Variants in NRXN1 observed in about 807,000 individuals in gnomAD.
The protein encoded by NRXN1 is neurexin-1.
A neutral mutation model predicts 150.9 loss-of-function variants in NRXN1; 39 were observed. The observed-to-expected ratio is 0.26, with a 90% CI of 0.20 to 0.34. The LOEUF is 0.34. Ranked by LOEUF, NRXN1 falls within the 10% of genes least tolerant of loss-of-function variation. The pLI, the probability that NRXN1 is intolerant of heterozygous loss-of-function variation, is 1.00. For synonymous variants in NRXN1, 924 were observed against 757.0 expected, an observed-to-expected ratio of 1.22 and a Z score of -3.62; for missense variants, 1,815 against 1,949.9, an observed-to-expected ratio of 0.93 and a Z score of 1.30.
At position 51,026,359 on chromosome 2, in the gene NRXN1, C is replaced by CAACT. The variant is rs1670467811; in HGVS notation, c.772+1142_772+1143insAGTT. On this transcript the variant is annotated intron_variant, in intron 2 of 22. Transcript: ENST00000401669. ...TAGCCACTGATTCGTCTTTTTCACA[C>CAACT]CACTCACTCACTTTCTGTTAGAGGC... The CAACT allele has an allele frequency of 6.5e-7, 1 of 1,547,124 alleles. No individual in the cohort carries two copies. The highest frequency in any genetic ancestry group is 1.4e-5 in the African/African-American group (1 of 73,734).
At chr2:50,229,738 C>A (rs1471589851) in intron 18 of NRXN1, among the ~76,000 whole-genome samples, 1 of 152,090 alleles carries the variant, frequency 6.6e-6, no homozygotes, top group Non-Finnish European at 1.5e-5. Context: ...AGGAACTAAT[C>A]ACACACATTA....
At chr2:50,183,271 T>A (rs1022005398) in intron 18 of NRXN1, among the ~76,000 whole-genome samples, 4 of 152,210 alleles carry the variant, frequency 2.6e-5, no homozygotes, top group Non-Finnish European at 2.9e-5. Flanking sequence ...AATTGGCATC[T>A]GAGGTTTGAA....
chr2:50,137,076 A>C (rs577510886), intron 18 of NRXN1, among the ~76,000 whole-genome samples: 1 of 152,332 alleles, frequency 6.6e-6, no homozygotes, highest in African/African-American at 2.4e-5. Context: ...TGAAAGGTAA[A>C]AGACAAACCA....
At chr2:50,471,680 A>T (rs34453913) in intron 16 of NRXN1, among the ~76,000 whole-genome samples, 83,251 of 151,538 alleles carry the variant, frequency 0.55, 23,230 homozygotes, top group African/African-American at 0.6. Context: ...AGCTAAATGA[A>T]GAGAACACAT....
chr2:50,616,117 T>C (rs1005299971), intron 8 of NRXN1: 14 of 152,166 alleles, frequency 9.2e-5, no homozygotes, highest in African/African-American at 3.4e-4. Flanking sequence ...CTGTGAGTCA[T>C]TTTTCAATGA....
intron 22 of NRXN1, among the ~76,000 whole-genome samples, chr2:49,938,204 G>C (rs1671378356): frequency 6.6e-6 from 1 of 152,102 alleles, no homozygotes; most frequent in African/African-American, 2.4e-5. Flanking sequence ...CTAAACTAGA[G>C]AATACACCAG....
intron 8 of NRXN1, among the ~76,000 whole-genome samples, chr2:50,556,504 ATT>A (rs558387581): frequency 7.5e-5 from 10 of 134,184 alleles, no homozygotes; most frequent in Admixed American, 1.5e-4. Flanking sequence ...GGGGACATTG[ATT>A]TTTTTTTTTT....
chr2:50,568,946 A>T (rs1297511338), intron 8 of NRXN1, among the ~76,000 whole-genome samples: 1 of 152,122 alleles, frequency 6.6e-6, no homozygotes, highest in African/African-American at 2.4e-5. Flanking sequence ...ATACACAATG[A>T]ATAATTATTT....
At chr2:50,469,169 C>A (rs1192420902) in intron 16 of NRXN1, among the ~76,000 whole-genome samples, 1 of 151,464 alleles carries the variant, frequency 6.6e-6, no homozygotes, top group Admixed American at 6.6e-5. Flanking sequence ...GAATTAGAAA[C>A]CCTGGGGGTT....
intron 5 of NRXN1, chr2:50,632,448 T>C (rs1413929816): frequency 6.6e-6 from 1 of 152,048 alleles, no homozygotes; most frequent in African/African-American, 2.4e-5. Flanking sequence ...AATAATGATC[T>C]CTATACCTCC....
intron 8 of NRXN1, among the ~76,000 whole-genome samples, chr2:50,579,526 A>G (rs1371511378): frequency 1.3e-5 from 2 of 152,152 alleles, no homozygotes; most frequent in African/African-American, 4.8e-5. Context: ...GCATGTGCCT[A>G]TAGTCCTAGC....
intron 5 of NRXN1, among the ~76,000 whole-genome samples, chr2:50,653,440 G>A (rs1046502300): frequency 6.6e-6 from 1 of 152,100 alleles, no homozygotes. Flanking sequence ...TTGAGACTCA[G>A]TTACTTTTTA....
chr2:50,308,080 G>A (rs1018475339), intron 17 of NRXN1, among the ~76,000 whole-genome samples: 2 of 151,934 alleles, frequency 1.3e-5, no homozygotes. Flanking sequence ...TACCAGTTAC[G>A]GTTACCTTTT....
At chr2:50,124,594 A>T (rs1008531206) in intron 18 of NRXN1, among the ~76,000 whole-genome samples, 3 of 151,852 alleles carry the variant, frequency 2.0e-5, no homozygotes, top group Non-Finnish European at 4.4e-5. Context: ...TATTTCCATC[A>T]CCCCCAAAAC....
rs1276360471 is a variant in NRXN1 at position 50,536,637 on chromosome 2, C to A, written c.2143+1616G>T. On this transcript the variant is annotated intron_variant, in intron 10 of 22. Transcript: ENST00000401669. The stretch of plus-strand genomic sequence containing the variant: ...AACCAAGAGGCATCAGAACAACTGG[C>A]AGCTCTCTGGGTGATTAAAATTAAA... Among the ~76,000 whole-genome samples, 4 of 152,266 alleles carry A rather than the reference C, an allele frequency of 2.6e-5. No homozygotes were observed. The East Asian group carries it at 7.7e-4, about 29-fold the overall frequency.
rs78970097 is a variant in NRXN1, at chr2:50,324,725, T to C, written c.3365-87755A>G. Reference sequence around the variant, plus strand: ...CCCGGCTAAGTGTGTAAGTCATTTCTATCTTGCCTGCTTAAGCTTCTCCTT... The same window carrying C: ...CCCGGCTAAGTGTGTAAGTCATTTCCATCTTGCCTGCTTAAGCTTCTCCTT... On this transcript the variant is annotated intron_variant, in intron 17 of 22. Transcript: ENST00000401669. Among the ~76,000 whole-genome samples, 9 of 152,322 alleles carry C rather than the reference T, an allele frequency of 5.9e-5. No individual in the cohort carries two copies. The East Asian group carries it at 1.7e-3, about 29-fold the overall frequency.
At chr2:49,922,983 C>T (rs558473295) in intron 22 of NRXN1, among the ~76,000 whole-genome samples, 3 of 152,220 alleles carry the variant, frequency 2.0e-5, no homozygotes, top group East Asian at 3.9e-4. Context: ...TTGGTCAAAA[C>T]TCTGAACTAC....
intron 21 of NRXN1, among the ~76,000 whole-genome samples, chr2:49,999,380 CCT>C (rs1367682167): frequency 3.3e-5 from 5 of 152,090 alleles, no homozygotes; most frequent in African/African-American, 9.7e-5. Context: ...TTAATTTCTT[CCT>C]CTCTTATGGA....
At chr2:50,694,744 C>T (rs1692570053) in intron 5 of NRXN1, among the ~76,000 whole-genome samples, 2 of 152,110 alleles carry the variant, frequency 1.3e-5, no homozygotes, top group South Asian at 2.1e-4. Flanking sequence ...GAGGTAAAAT[C>T]GGTTAATCCT....
Sources: gnomAD v4.1 joint callset for allele counts (sites outside exome capture counted in the v4.1 genomes callset) on GRCh38, gnomAD v4.1.1 for gene constraint, MANE v1.5 for transcripts, NCBI Gene and HGNC (gene_info 2026-07-23, HGNC 2026-07-21) for gene names.